Variants in NOP58 observed in about 807,000 individuals in gnomAD.
NOP58 encodes nucleolar protein 58.
Under a neutral mutation model 71.2 loss-of-function variants are expected in NOP58, and 44 were observed. That is an observed-to-expected ratio of 0.62 (90% CI 0.49 to 0.79). NOP58 has a LOEUF of 0.79. NOP58 is among the 30% of genes least tolerant of loss of function. The pLI is 0.00. For synonymous variants in NOP58, 228 were observed against 200.3 expected, an observed-to-expected ratio of 1.14 and a Z score of -1.17; for missense variants, 538 against 620.2, an observed-to-expected ratio of 0.87 and a Z score of 1.41.
intron 13 of NOP58, among the ~76,000 whole-genome samples, chr2:202,301,451 G>A (rs1159815854): frequency 1.3e-5 from 2 of 152,116 alleles, no homozygotes; most frequent in African/African-American, 2.4e-5. Context: ...CCAAACTGCT[G>A]GGATTACAGG....
intron 8 of NOP58, 34 bp downstream of exon 8, chr2:202,291,304 G>T: frequency 6.4e-7 from 1 of 1,553,786 alleles, no homozygotes; most frequent in Non-Finnish European, 8.7e-7. Flanking sequence ...TAGTTGTGGT[G>T]TTACCAGCTC....
intron 12 of NOP58, among the ~76,000 whole-genome samples, chr2:202,299,148 C>T (rs902592075): frequency 5.3e-5 from 8 of 151,674 alleles, no homozygotes; most frequent in Admixed American, 2.0e-4. Context: ...TTAGTAGAGT[C>T]GGGGTTTCAT....
chr2:202,300,277 A>C lies in NOP58; in HGVS notation c.1312A>C (p.Thr438Pro). ...TCCTTCTGGTGACTCCACACTTCCA[A>C]CCTGTTCTAAAAAACGCAAAATAGA... is the stretch of plus-strand genomic sequence containing the variant. Reference protein sequence around the residue: ...YDPSGDSTLPTCSKKRKIEQV... With the variant: ...YDPSGDSTLPPCSKKRKIEQV... The change falls in exon 13 of 15, where the codon ACC (threonine) becomes CCC (proline). Residue 438 changes from threonine to proline, a missense_variant. Coordinates refer to ENST00000264279, the MANE Select transcript of NOP58 (RefSeq NM_015934.5). 1 of 1,602,136 alleles carries C rather than the reference A, an allele frequency of 6.2e-7. No homozygotes were observed.
chr2:202,279,177 C>G (rs1407789330), intron 3 of NOP58, among the ~76,000 whole-genome samples: 1 of 152,138 alleles, frequency 6.6e-6, no homozygotes, highest in South Asian at 2.1e-4. Flanking sequence ...ATGAACAGTT[C>G]CTAGTCCTGA....
At chr2:202,297,939 GT>G (rs1231743080) in intron 12 of NOP58, 33 bp downstream of exon 12, 22 of 1,312,768 alleles carry the variant, frequency 1.7e-5, no homozygotes, top group East Asian at 2.5e-5. Flanking sequence ...GGGGTGAATA[GT>G]TTTTTTAAAT....
At chr2:202,284,092 T>G (rs1688751334) in intron 4 of NOP58, among the ~76,000 whole-genome samples, 1 of 151,850 alleles carries the variant, frequency 6.6e-6, no homozygotes, top group Admixed American at 6.6e-5. Flanking sequence ...GACCAGCCTG[T>G]ACAACATGGT....
intron 13 of NOP58, among the ~76,000 whole-genome samples, chr2:202,302,420 T>C (rs1230333172): frequency 6.6e-6 from 1 of 152,184 alleles, no homozygotes; most frequent in Non-Finnish European, 1.5e-5. Context: ...TAGCTATGTG[T>C]TGAGTCCTTA....
At chr2:202,283,256 G>A (rs564681114) in intron 4 of NOP58, among the ~76,000 whole-genome samples, 4 of 152,122 alleles carry the variant, frequency 2.6e-5, no homozygotes, top group African/African-American at 9.6e-5. Flanking sequence ...TTGAGACAGA[G>A]TCTCACTCTG....
intron 1 of NOP58, among the ~76,000 whole-genome samples, chr2:202,269,701 A>T (rs1559258444): frequency 6.6e-6 from 1 of 152,064 alleles, no homozygotes; most frequent in Non-Finnish European, 1.5e-5. Flanking sequence ...CGGTCGCGCC[A>T]CTGCAGTGCA....
At chr2:202,301,778 A>G (rs1333657391) in intron 13 of NOP58, among the ~76,000 whole-genome samples, 2 of 152,134 alleles carry the variant, frequency 1.3e-5, no homozygotes, top group African/African-American at 4.8e-5. Flanking sequence ...AGATACATGT[A>G]TCATTCATTC....
chr2:202,274,761 C>G (rs1269059488), intron 1 of NOP58, among the ~76,000 whole-genome samples: 5 of 151,704 alleles, frequency 3.3e-5, no homozygotes, highest in Non-Finnish European at 7.4e-5. Flanking sequence ...GACTCCATCT[C>G]AAAAAAATAA....
At chr2:202,285,608 C>T (rs868235511) in intron 5 of NOP58, among the ~76,000 whole-genome samples, 4 of 151,884 alleles carry the variant, frequency 2.6e-5, no homozygotes, top group Non-Finnish European at 4.4e-5. Context: ...CCCAAAGTGC[C>T]GCGACTGCAG....
chr2:202,270,284 G>C (rs1300631299), intron 1 of NOP58, among the ~76,000 whole-genome samples: 1 of 152,082 alleles, frequency 6.6e-6, no homozygotes, highest in Non-Finnish European at 1.5e-5. Context: ...TTTGTGTTTG[G>C]CTTTTTTCAC....
chr2:202,297,954 AATT>A (rs1689021986), intron 12 of NOP58, 48 bp downstream of exon 12: 1 of 1,133,904 alleles, frequency 8.8e-7, no homozygotes, highest in South Asian at 1.7e-5. Flanking sequence ...TTTAAATGTT[AATT>A]ATTGACAGTA....
At chr2:202,286,251 T>C (rs1688784388) in intron 5 of NOP58, among the ~76,000 whole-genome samples, 1 of 147,864 alleles carries the variant, frequency 6.8e-6, no homozygotes, top group Admixed American at 6.8e-5. Context: ...CTGTAATACA[T>C]CCCAGCACTT....
intron 3 of NOP58, 111 bp from the exon 4 acceptor site, chr2:202,282,240 A>T: frequency 1.3e-6 from 1 of 762,538 alleles, no homozygotes; most frequent in East Asian, 2.5e-5. Flanking sequence ...AGTAACATTA[A>T]ATTCAAGCCC....
intron 3 of NOP58, among the ~76,000 whole-genome samples, chr2:202,278,980 A>G (rs1340004783): frequency 6.6e-6 from 1 of 152,038 alleles, no homozygotes; most frequent in East Asian, 1.9e-4. Context: ...TGCTTCACCA[A>G]CTCTTCAGTA....
chr2:202,283,952 T>G (rs1688749658), intron 4 of NOP58, among the ~76,000 whole-genome samples: 1 of 152,090 alleles, frequency 6.6e-6, no homozygotes, highest in Non-Finnish European at 1.5e-5. Context: ...AACTGAGAAA[T>G]GCGTATATTT....
At chr2:202,278,307 A>G in intron 3 of NOP58, 1 of 513,430 alleles carries the variant, frequency 1.9e-6, no homozygotes, top group South Asian at 1.5e-5. Flanking sequence ...AATTCAGTAA[A>G]AGGTGTTCTA....
Sources: gnomAD v4.1 joint callset for allele counts (sites outside exome capture counted in the v4.1 genomes callset) on GRCh38, gnomAD v4.1.1 for gene constraint, MANE v1.5 for transcripts, NCBI Gene and HGNC (gene_info 2026-07-23, HGNC 2026-07-21) for gene names.